PRSS23: variants seen among roughly 807,000 people sequenced by gnomAD.
PRSS23 encodes the protein serine protease 23.
Under a neutral mutation model 34.7 loss-of-function variants are expected in PRSS23, and 25 were observed. That is an observed-to-expected ratio of 0.72 (90% CI 0.53 to 1.01). PRSS23 has a LOEUF of 1.01. Among genes scored for constraint, PRSS23 ranks in the 50% least tolerant of loss-of-function variants. The probability of loss-of-function intolerance (pLI) is 0.00; values close to 1 mark genes in which losing one functional copy is unlikely to be tolerated. For missense variants in PRSS23, 445 were observed against 475.6 expected, an observed-to-expected ratio of 0.94 and a Z score of 0.60; for synonymous variants, 176 against 186.6, an observed-to-expected ratio of 0.94 and a Z score of 0.46.
chr11:86,952,598 G>C, exon 3 of PRSS23: 1 of 973,742 alleles, frequency 1.0e-6, no homozygotes. Flanking sequence ...CAACCTATCG[G>C]GAGTCTGTCT....
intron 2 of PRSS23, among the ~76,000 whole-genome samples, chr11:86,834,717 T>G (rs1217160970): frequency 6.6e-6 from 1 of 152,084 alleles, no homozygotes; most frequent in Non-Finnish European, 1.5e-5. Flanking sequence ...CCTCGGAAGT[T>G]AGGAATTCCC....
intron 2 of PRSS23, among the ~76,000 whole-genome samples, chr11:86,925,366 G>T (rs1034302150): frequency 6.6e-6 from 1 of 151,764 alleles, no homozygotes; most frequent in African/African-American, 2.4e-5. Flanking sequence ...AGTCTGGTCC[G>T]ATTGATAAGC....
chr11:86,888,566 C>T (rs893965093), intron 2 of PRSS23, among the ~76,000 whole-genome samples: 8 of 152,138 alleles, frequency 5.3e-5, no homozygotes, highest in African/African-American at 7.2e-5. Flanking sequence ...AGCCTGTGTT[C>T]GGTGGAGTTA....
At chr11:86,819,195 G>T (rs1253371757) in intron 1 of PRSS23, among the ~76,000 whole-genome samples, 2 of 152,116 alleles carry the variant, frequency 1.3e-5, no homozygotes, top group East Asian at 3.9e-4. Context: ...CATCCAAATA[G>T]CGAGAAAAAC....
At chr11:86,800,739 G>T in intron 1 of PRSS23, 88 bp downstream of exon 1, 1 of 796,584 alleles carries the variant, frequency 1.3e-6, no homozygotes, top group Non-Finnish European at 1.5e-6. Context: ...GGGTATGCGC[G>T]GGGTAGGGTA....
chr11:86,873,873 C>G (rs1297494855), intron 2 of PRSS23, among the ~76,000 whole-genome samples: 1 of 152,104 alleles, frequency 6.6e-6, no homozygotes, highest in Non-Finnish European at 1.5e-5. Context: ...GTTCCTGACA[C>G]TAAGTTGCAT....
chr11:86,917,379 A>G (rs891529994), intron 2 of PRSS23, among the ~76,000 whole-genome samples: 9 of 152,212 alleles, frequency 5.9e-5, no homozygotes, highest in Non-Finnish European at 8.8e-5. Flanking sequence ...GAAAAAAATT[A>G]AGGCAAACAT....
At chr11:86,952,474 G>A in exon 3 of PRSS23, 1 of 1,611,908 alleles carries the variant, frequency 6.2e-7, no homozygotes, top group Non-Finnish European at 8.5e-7. Flanking sequence ...GGAAGAACTG[G>A]AAAAGTAACA....
chr11:86,951,094 C>A (rs12574787), intron 2 of PRSS23: 13 of 1,595,614 alleles, frequency 8.1e-6, no homozygotes, highest in Non-Finnish European at 1.0e-5. Flanking sequence ...CTCCAAAATG[C>A]TGGCATTCCC....
chr11:86,931,435 ACAC>A (rs1044409527), intron 2 of PRSS23, among the ~76,000 whole-genome samples: 3 of 152,192 alleles, frequency 2.0e-5, no homozygotes, highest in African/African-American at 7.2e-5. Flanking sequence ...TTCCTCACAC[ACAC>A]AACATGAATG....
chr11:86,861,779 A>G lies in PRSS23; in HGVS notation c.206+38186A>G, dbSNP rs550090364. 2.0e-5 allele frequency among the ~76,000 whole-genome samples: 3 copies of G among 151,494 alleles called. No individual in the cohort carries two copies. The South Asian group carries it at 6.3e-4, about 32-fold the overall frequency. On this transcript the variant is annotated intron_variant, in intron 2 of 2. Transcript: ENST00000533902. Reference sequence around the variant, plus strand: ...TAATGTCCAAGGTGGGGCAGAGGATATTACTTCCCATGTCTGATAGGGTGT... The same window carrying G: ...TAATGTCCAAGGTGGGGCAGAGGATGTTACTTCCCATGTCTGATAGGGTGT...
rs529817310 is a variant in PRSS23 at position 86,862,699 on chromosome 11, C to T, written c.206+39106C>T. Among the ~76,000 whole-genome samples the T allele has an allele frequency of 9.9e-5, 15 of 151,718 alleles. No homozygotes were observed. The South Asian group carries it at 2.5e-3, about 25-fold the overall frequency. On this transcript the variant is annotated intron_variant, in intron 2 of 2. Transcript: ENST00000533902. ...GATATTATTCATAATGTCTTAGAGG[C>T]ATATTACTCTTAATGTCACAAAAGA...
rs760782108 is a variant in PRSS23 at position 86,807,963 on chromosome 11, G to A, written c.320G>A (p.Ser107Asn). 1.2e-6 allele frequency: 2 copies of A among 1,614,114 alleles called. No homozygotes were observed. Among genetic ancestry groups the A allele is most frequent in the African/African-American group, 1.3e-5 (1 of 75,006 alleles). Residue 107 changes from serine to asparagine, a missense_variant, in exon 2 of 2, where the codon AGC becomes AAC. Coordinates refer to ENST00000280258, the MANE Select transcript of PRSS23 (RefSeq NM_007173.6). ...TETQVGIYILSSSGDGAQHRD... is the reference protein window; with the variant it reads ...TETQVGIYILNSSGDGAQHRD... ...ACGCAGGTGGGCATCTACATCCTCA[G>A]CAGTAGTGGAGATGGGGCCCAACAC...
intron 2 of PRSS23, among the ~76,000 whole-genome samples, chr11:86,938,234 C>G (rs1949177383): frequency 6.6e-6 from 1 of 152,166 alleles, no homozygotes; most frequent in Non-Finnish European, 1.5e-5. Context: ...GAGAAACAAA[C>G]AAGAACAATA....
chr11:86,827,984 G>A (rs574235318), intron 2 of PRSS23, among the ~76,000 whole-genome samples: 2 of 152,310 alleles, frequency 1.3e-5, no homozygotes, highest in Admixed American at 6.5e-5. Flanking sequence ...ATTTGGGGTG[G>A]AGAGTTCTGT....
chr11:86,864,492 G>A (rs1009991819), intron 2 of PRSS23, among the ~76,000 whole-genome samples: 3 of 152,240 alleles, frequency 2.0e-5, no homozygotes, highest in Admixed American at 6.5e-5. Context: ...CCTGGCCAAC[G>A]ACATCAGTCT....
At chr11:86,930,590 G>C (rs1949117515) in intron 2 of PRSS23, among the ~76,000 whole-genome samples, 1 of 152,276 alleles carries the variant, frequency 6.6e-6, no homozygotes, top group South Asian at 2.1e-4. Context: ...AGGAGATCGA[G>C]ACCATCCTAG....
At chr11:86,827,668 T>A (rs370265089) in intron 2 of PRSS23, among the ~76,000 whole-genome samples, 1 of 152,218 alleles carries the variant, frequency 6.6e-6, no homozygotes, top group South Asian at 2.1e-4. Context: ...GCTTTGAATG[T>A]GTCCCAGAGA....
chr11:86,830,441 T>A (rs1285706635), intron 2 of PRSS23, among the ~76,000 whole-genome samples: 3 of 152,170 alleles, frequency 2.0e-5, no homozygotes, highest in African/African-American at 7.2e-5. Context: ...CCTTTGCGCT[T>A]CCCAAGTGAG....
Sources: allele counts gnomAD v4.1 joint callset (sites outside exome capture counted in the v4.1 genomes callset), GRCh38; gene constraint gnomAD v4.1.1; transcripts MANE v1.5; gene names NCBI Gene and HGNC (gene_info 2026-07-23, HGNC 2026-07-21).